The following WDFY4 variants were observed in gnomAD, a reference collection of about 807,000 sequenced individuals.
WDFY4 encodes the protein WD repeat- and FYVE domain-containing protein 4.
WDFY4 carries 169 observed loss-of-function variants against 351.9 expected under a neutral mutation model. The ratio of observed to expected loss-of-function variants is 0.48; its 90% confidence interval spans 0.42 to 0.55. The LOEUF (loss-of-function observed/expected upper bound fraction) is 0.55, where lower values mean the gene tolerates loss of function less well. Among genes scored for constraint, WDFY4 ranks in the 20% least tolerant of loss-of-function variants. The probability of loss-of-function intolerance (pLI) is 0.00; values close to 1 mark genes in which losing one functional copy is unlikely to be tolerated. For missense variants in WDFY4, 3,803 were observed against 3,935.6 expected (o/e 0.97, Z 0.90); for synonymous variants, 1,622 against 1,574.6 (o/e 1.03, Z -0.71).
In WDFY4 at chr10:48,723,564, G is replaced by T. The variant is rs1280305370; in HGVS notation, c.588G>T (p.Val196=). ...ATCTTCAAGTTCAAAAGATGTTCGT[G>T]CAGGTGAGTTCAAGGAGGGCCTCCA... ...ESDLQVQKMF[V]QMLLNICSDS... is the part of the protein sequence containing the mutation. The change falls in exon 5 of 62, where the codon GTG becomes GTT. Residue 196 remains valine, a synonymous_variant. Coordinates refer to ENST00000325239, the MANE Select transcript of WDFY4 (RefSeq NM_001394531.1). 1.7e-5 allele frequency: 26 copies of T among 1,551,762 alleles called. No homozygotes were observed. The South Asian group carries it at 2.9e-4, about 17-fold the overall frequency.
intron 1 of WDFY4, among the ~76,000 whole-genome samples, chr10:48,698,692 G>A (rs940215109): frequency 1.3e-5 from 2 of 152,202 alleles, no homozygotes; most frequent in African/African-American, 4.8e-5. Flanking sequence ...GTTTAACGCT[G>A]TGCATGCCAA....
intron 1 of WDFY4, among the ~76,000 whole-genome samples, chr10:48,693,216 C>T (rs1002546408): frequency 6.6e-6 from 1 of 152,170 alleles, no homozygotes; most frequent in Non-Finnish European, 1.5e-5. Flanking sequence ...GACGTTTGCT[C>T]AGGGGAGGGA....
chr10:48,975,157 G>A (rs769641386), intron 58 of WDFY4, 116 bp downstream of exon 58: 1 of 1,367,902 alleles, frequency 7.3e-7, no homozygotes, highest in South Asian at 1.3e-5. Context: ...TGCTGAGAGG[G>A]CCCCCAATTG....
chr10:48,754,143 T>C (rs1285215755), intron 12 of WDFY4, among the ~76,000 whole-genome samples: 1 of 152,192 alleles, frequency 6.6e-6, no homozygotes, highest in African/African-American at 2.4e-5. Context: ...ATCCTTTTAA[T>C]ATGCTGTTGA....
chr10:48,779,814 G>A (rs2066158612), intron 18 of WDFY4, 127 bp from the exon 19 acceptor site: 2 of 934,820 alleles, frequency 2.1e-6, no homozygotes, highest in Non-Finnish European at 3.1e-6. Context: ...CATTTTTCAT[G>A]AGAGGAGGAT....
intron 50 of WDFY4, 60 bp downstream of exon 50, chr10:48,946,217 T>C: frequency 7.6e-7 from 1 of 1,309,866 alleles, no homozygotes; most frequent in Non-Finnish European, 1.1e-6. Context: ...CCTAAAATGA[T>C]AGTTGATAAC....
At chr10:48,876,081 T>A (rs2133298434) in intron 42 of WDFY4, among the ~76,000 whole-genome samples, 1 of 152,204 alleles carries the variant, frequency 6.6e-6, no homozygotes, top group East Asian at 1.9e-4. Context: ...CCCCTGGGTG[T>A]CTGTGACCCT....
Position 48,957,154 on chromosome 10 carries a change from G to T in WDFY4, c.8003G>T (p.Arg2668Ile). Residue 2668 changes from arginine (R) to isoleucine (I), a missense_variant, in exon 52 of 62, where the codon AGA (arginine) becomes ATA (isoleucine). Around this residue, in one of 3 missense-constraint regions of WDFY4, gnomAD observed 3,054 missense variants for 3,148.6 expected, o/e 0.97. Coordinates refer to ENST00000325239, the MANE Select transcript of WDFY4 (RefSeq NM_001394531.1). ...GGCGGAAGCTTCGACGTGGCAGACA[G>T]AATGTTCCACAGTGTGAAGAGCACG... ...LQGGSFDVAD[R>I]MFHSVKSTWE... 1.9e-6 allele frequency: 3 copies of T among 1,551,002 alleles called. No individual in the cohort carries two copies. The highest frequency in any genetic ancestry group is 2.6e-6 in the Non-Finnish European group (3 of 1,146,422).
At chr10:48,918,830 C>T (rs11101565) in intron 47 of WDFY4, among the ~76,000 whole-genome samples, 40,115 of 152,130 alleles carry the variant, frequency 0.26, 6,120 homozygotes, top group East Asian at 0.6. Context: ...CCAGAAGATT[C>T]TACCCACTGG....
intron 40 of WDFY4, among the ~76,000 whole-genome samples, chr10:48,869,652 G>T (rs1450412578): frequency 2.6e-5 from 4 of 151,740 alleles, no homozygotes; most frequent in Non-Finnish European, 5.9e-5. Flanking sequence ...CTTCTCTGTG[G>T]CCCAGCCTCT....
In WDFY4 at chr10:48,982,505, C is replaced by G. The variant is rs1366640196; in HGVS notation, c.9489-4C>G. On this transcript the variant is annotated splice_polypyrimidine_tract_variant and splice_region_variant and intron_variant, in intron 61 of 61. Transcript: ENST00000325239. ...CGTTCTTGTCTTTTCTTTCTCTTCC[C>G]AAGAAACCACACCAAACTCCTGGTT... 6.6e-7 allele frequency: 1 copy of G among 1,507,728 alleles called. No individual in the cohort carries two copies. The allele number at this position is 1,507,728 out of a possible 1,614,324, so 93.4% of individuals were successfully genotyped here.
chr10:48,777,387 T>C, intron 16 of WDFY4, 32 bp from the exon 17 acceptor site: 1 of 1,540,394 alleles, frequency 6.5e-7, no homozygotes. Flanking sequence ...TGGCTTGCAG[T>C]CCAATGATCT....
intron 30 of WDFY4, among the ~76,000 whole-genome samples, chr10:48,812,535 C>T (rs1373129660): frequency 1.3e-5 from 2 of 152,108 alleles, no homozygotes; most frequent in East Asian, 1.9e-4. Context: ...TCTACCAACC[C>T]GTTCCTCATA....
chr10:48,941,113 G>C (rs943576888), intron 47 of WDFY4, among the ~76,000 whole-genome samples: 1 of 152,132 alleles, frequency 6.6e-6, no homozygotes, highest in African/African-American at 2.4e-5. Context: ...CCTGTCATGG[G>C]GGCGGTGAAT....
At chr10:48,701,134 A>G (rs899777112) in intron 1 of WDFY4, among the ~76,000 whole-genome samples, 4 of 152,184 alleles carry the variant, frequency 2.6e-5, no homozygotes, top group African/African-American at 4.8e-5. Context: ...TTCTGGCTCT[A>G]TGAATTTGAC....
chr10:48,855,255 C>T (rs906028281), intron 39 of WDFY4, among the ~76,000 whole-genome samples: 4 of 152,010 alleles, frequency 2.6e-5, no homozygotes, highest in Non-Finnish European at 5.9e-5. Flanking sequence ...ATAAAGTGAA[C>T]ATGTAATCAC....
intron 1 of WDFY4, among the ~76,000 whole-genome samples, chr10:48,695,902 C>A (rs1413461253): frequency 6.6e-6 from 1 of 152,020 alleles, no homozygotes; most frequent in Non-Finnish European, 1.5e-5. Flanking sequence ...ACTGTGAGTT[C>A]CTGTATTCCG....
intron 20 of WDFY4, among the ~76,000 whole-genome samples, chr10:48,787,868 T>TTCTTCC (rs1178608536): frequency 9.6e-6 from 1 of 104,092 alleles, no homozygotes; most frequent in African/African-American, 5.7e-5. Flanking sequence ...TTTCTTCTTC[T>TTCTTCC]TTCTTCTTTC....
intron 1 of WDFY4, among the ~76,000 whole-genome samples, chr10:48,696,876 G>T (rs1316933200): frequency 6.6e-6 from 1 of 152,258 alleles, no homozygotes; most frequent in East Asian, 1.9e-4. Flanking sequence ...CTGCAATGTT[G>T]CAAGGACGAT....
Sources: gnomAD v4.1 joint callset for allele counts (sites outside exome capture counted in the v4.1 genomes callset) on GRCh38, gnomAD v4.1.1 for gene constraint, gnomAD v4.1.1 regional missense constraint, MANE v1.5 for transcripts, NCBI Gene and HGNC (gene_info 2026-07-23, HGNC 2026-07-21) for gene names.